The following SIRPB1 variants were observed in gnomAD, a reference collection of about 807,000 sequenced individuals.
The protein encoded by SIRPB1 is signal regulatory protein beta 1.
SIRPB1 carries 28 observed loss-of-function variants against 34.1 expected under a neutral mutation model. The observed-to-expected ratio is 0.82, with a 90% confidence interval of 0.61 to 1.12. The LOEUF is 1.12. SIRPB1 is among the 50% of genes most tolerant of loss of function. The pLI, the probability that SIRPB1 is intolerant of heterozygous loss-of-function variation, is 0.00. For synonymous variants in SIRPB1, 211 were observed against 203.8 expected, an observed-to-expected ratio of 1.04 and a Z score of -0.30; for missense variants, 499 against 507.0, an observed-to-expected ratio of 0.98 and a Z score of 0.15.
chr20:1,578,703 G>T lies in SIRPB1; in HGVS notation c.77-9C>A, dbSNP rs1476856794. ...GTCCTCACCTGCCACTCCTGGAAAG[G>T]AGCACAAAGCAGTCATTTCTTCATC... On this transcript the variant is annotated splice_polypyrimidine_tract_variant and intron_variant, in intron 1 of 5. Transcript: ENST00000381605. 3.9e-6 allele frequency: 6 copies of T among 1,555,966 alleles called. No individual in the cohort carries two copies. The African/African-American group carries it at 8.2e-5, about 21-fold the overall frequency.
chr20:1,562,453 C>A lies in SIRPB1; in HGVS notation c.*3047G>T, dbSNP rs1001007838. Reference sequence around the variant, plus strand: ...TAATCCTCCCCCACCCCCAACCCCCCACGATATAACTGACATTCCATTTGC... The same window carrying A: ...TAATCCTCCCCCACCCCCAACCCCCAACGATATAACTGACATTCCATTTGC... On this transcript the variant is annotated 3_prime_UTR_variant, in exon 6 of 6. Transcript: ENST00000381605. 2.0e-5 allele frequency among the ~76,000 whole-genome samples: 3 copies of A among 152,062 alleles called. No homozygotes were observed. The highest frequency in any genetic ancestry group is 7.2e-5 in the African/African-American group (3 of 41,388).
rs752841400 is a variant in SIRPB1, at chr20:1,570,909, A to G, written c.980T>C (p.Val327Ala). Residue 327 changes from valine (V) to alanine (A), a missense_variant, in exon 4 of 6, where the codon GTG (valine) becomes GCG (alanine). Transcript: ENST00000381605. ...VNTCAHRDDV[V>A]LTCQVEHDGQ... ...ATCATGCTCCACCTGACAGGTGAGC[A>G]CCACATCGTCCCTGTGGGCACAGGT... 1.2e-6 allele frequency: 2 copies of G among 1,614,196 alleles called. No homozygotes were observed. The highest frequency in any genetic ancestry group is 1.7e-5 in the Admixed American group (1 of 60,014).
In SIRPB1 at chr20:1,596,876, A is replaced by G. The variant is rs1382044964; in HGVS notation, c.77-18182T>C. 4.1e-5 allele frequency among the ~76,000 whole-genome samples: 2 copies of G among 49,094 alleles called. 1 individual carries two copies. The highest frequency in any genetic ancestry group is 7.8e-5 in the Non-Finnish European group (2 of 25,492). The allele number at this position is 49,094 out of a possible 152,430, so 32.2% of individuals were successfully genotyped here. A position where few individuals can be genotyped will look rare whatever the true frequency, so the allele number is the denominator to read the frequency against. On this transcript the variant is annotated intron_variant, in intron 1 of 5. Transcript: ENST00000381605. Reference sequence around the variant, plus strand: ...GGAGTGGTGGAGGTGAGAGATGTGCAGGTTATGAGTACAACTCCTTTGTGT... The same window carrying G: ...GGAGTGGTGGAGGTGAGAGATGTGCGGGTTATGAGTACAACTCCTTTGTGT...
intron 2 of SIRPB1, among the ~76,000 whole-genome samples, chr20:1,574,831 T>G (rs1365011045): frequency 1.4e-5 from 1 of 71,040 alleles, no homozygotes; most frequent in African/African-American, 6.8e-5. Context: ...TTGTCCCAGG[T>G]CACAGAGCCA....
Position 1,578,341 on chromosome 20 carries a change from G to T in SIRPB1, c.430C>A (p.Arg144Ser), listed in dbSNP as rs368470461. ...KSGAGTELSV[R>S]AKPSAPVVSG... is the part of the protein sequence containing the mutation. ...AGGAGGCCCACGCTGTACTCACCGCGCACAGACAGCTCAGTGCCTGCTCCA... is the reference window on the plus strand; with the variant it reads ...AGGAGGCCCACGCTGTACTCACCGCTCACAGACAGCTCAGTGCCTGCTCCA... The change falls in exon 2 of 6, where the codon CGC (arginine) becomes AGC (serine). Residue 144 changes from arginine to serine, a missense_variant. Arg to Ser is a moderately radical substitution (Grantham distance 110, BLOSUM62 -1). Coordinates refer to ENST00000381605, the MANE Select transcript of SIRPB1 (RefSeq NM_006065.5). 1.3e-6 allele frequency: 2 copies of T among 1,584,040 alleles called. No homozygotes were observed. The highest frequency in any genetic ancestry group is 1.4e-5 in the African/African-American group (1 of 73,888).
At chr20:1,577,905 G>A (rs549719380) in intron 2 of SIRPB1, among the ~76,000 whole-genome samples, 1 of 147,980 alleles carries the variant, frequency 6.8e-6, no homozygotes, top group South Asian at 2.1e-4. Context: ...CAGCATCCAG[G>A]GCAGAGCCTG....
intron 4 of SIRPB1, among the ~76,000 whole-genome samples, chr20:1,567,663 T>C (rs901529113): frequency 6.6e-6 from 1 of 152,238 alleles, no homozygotes; most frequent in African/African-American, 2.4e-5. Context: ...TGCTGTTGTG[T>C]TGCGATTGAT....
At chr20:1,617,689 C>T (rs1049570872) in intron 1 of SIRPB1, among the ~76,000 whole-genome samples, 1 of 152,142 alleles carries the variant, frequency 6.6e-6, no homozygotes, top group African/African-American at 2.4e-5. Flanking sequence ...TGAGAGATCT[C>T]ACCACAGAAA....
chr20:1,569,921 G>T (rs2091200969), intron 4 of SIRPB1, among the ~76,000 whole-genome samples: 1 of 152,186 alleles, frequency 6.6e-6, no homozygotes, highest in Non-Finnish European at 1.5e-5. Context: ...GACATATTTT[G>T]GTTATAGAGA....
rs2091452953 is a variant in SIRPB1 at position 1,594,589 on chromosome 20, G to C, written c.77-15895C>G. 4.2e-5 allele frequency among the ~76,000 whole-genome samples: 2 copies of C among 48,190 alleles called. 1 individual carries two copies. The highest frequency in any genetic ancestry group is 7.9e-5 in the Non-Finnish European group (2 of 25,198). 31.6% of individuals were successfully genotyped at this position (48,190 alleles called of 152,430 possible). ...AGACTTTGGGACACATGAGGAACTG[G>C]GAGCCCATGGATGCCTCTCCAGAAG... On this transcript the variant is annotated intron_variant, in intron 1 of 5. Transcript: ENST00000381605.
At chr20:1,566,079 T>G in intron 5 of SIRPB1, 74 bp downstream of exon 5, 2 of 879,300 alleles carry the variant, frequency 2.3e-6, no homozygotes, top group East Asian at 2.6e-5. Context: ...CTGCATGGCA[T>G]GTGAGCTGGG....
At chr20:1,618,423 C>T (rs921653338) in intron 1 of SIRPB1, among the ~76,000 whole-genome samples, 1 of 152,136 alleles carries the variant, frequency 6.6e-6, no homozygotes, top group African/African-American at 2.4e-5. Context: ...CCTCCCTCTG[C>T]CTGAGTCTTT....
intron 1 of SIRPB1, among the ~76,000 whole-genome samples, chr20:1,616,495 C>A (rs1056180248): frequency 2.6e-5 from 4 of 152,154 alleles, no homozygotes; most frequent in Non-Finnish European, 5.9e-5. Flanking sequence ...CATTGGGAAA[C>A]CTGGATATCC....
At chr20:1,570,390 T>C (rs1432799238) in intron 4 of SIRPB1, 1 of 156,518 alleles carries the variant, frequency 6.4e-6, no homozygotes, top group Non-Finnish European at 1.4e-5. Flanking sequence ...CAGATGCGGA[T>C]GGAAAAGTTT....
intron 1 of SIRPB1, among the ~76,000 whole-genome samples, chr20:1,619,613 T>C (rs2091678580): frequency 6.6e-6 from 1 of 152,216 alleles, no homozygotes; most frequent in Non-Finnish European, 1.5e-5. Context: ...CTTCTCTGCT[T>C]TTTCAATTGA....
intron 4 of SIRPB1, among the ~76,000 whole-genome samples, chr20:1,569,366 T>G (rs1272926904): frequency 6.6e-6 from 1 of 152,274 alleles, no homozygotes; most frequent in African/African-American, 2.4e-5. Flanking sequence ...AATAACTTTA[T>G]GAAATTTAGT....
chr20:1,566,215 G>T lies in SIRPB1; in HGVS notation c.1137C>A (p.Pro379=). ...AGACACCAACCACCAGTAGCAGCTT[G>T]GGGCCCAGGAGGAGAGCTACGAGGA... ...APLLVALLLG[P]KLLLVVGVSA... Residue 379 remains proline (P), a synonymous_variant, in exon 5 of 6, where the codon CCC becomes CCA. Transcript: ENST00000381605. 6.2e-7 allele frequency: 1 copy of T among 1,612,440 alleles called. No homozygotes were observed. The highest frequency in any genetic ancestry group is 2.2e-5 in the East Asian group (1 of 44,816).
In SIRPB1 at chr20:1,571,098, G is replaced by C; in HGVS notation, c.791C>G (p.Ala264Gly). 6.2e-7 allele frequency: 1 copy of C among 1,614,008 alleles called. No homozygotes were observed. The highest frequency in any genetic ancestry group is 8.5e-7 in the Non-Finnish European group (1 of 1,179,902). The change falls in exon 4 of 6, where the codon GCA (alanine) becomes GGA (glycine). Residue 264 changes from alanine (A) to glycine (G), a missense_variant. Transcript: ENST00000381605. ...TLEVTQQPMR[A>G]ENQANVTCQV... is the part of the protein sequence containing the mutation. Reference sequence around the variant, plus strand: ...GCAGGTGACGTTTGCCTGGTTCTCTGCCCTCATGGGCTGTTGAGTAACCTC... The same window carrying C: ...GCAGGTGACGTTTGCCTGGTTCTCTCCCCTCATGGGCTGTTGAGTAACCTC...
At chr20:1,615,892 C>G (rs2091622159) in intron 1 of SIRPB1, among the ~76,000 whole-genome samples, 1 of 151,880 alleles carries the variant, frequency 6.6e-6, no homozygotes, top group Non-Finnish European at 1.5e-5. Context: ...ATTTTATTTA[C>G]CTATTTATCA....
Sources: allele counts gnomAD v4.1 joint callset (sites outside exome capture counted in the v4.1 genomes callset), GRCh38; gene constraint gnomAD v4.1.1; transcripts MANE v1.5; gene names NCBI Gene and HGNC (gene_info 2026-07-23, HGNC 2026-07-21).